The following JAK2 variants were observed in gnomAD, a reference collection of about 807,000 sequenced individuals.
JAK2 encodes tyrosine-protein kinase JAK2.
Under a neutral mutation model 139.3 loss-of-function variants are expected in JAK2, and 86 were observed. The ratio of observed to expected loss-of-function variants is 0.62; its 90% CI spans 0.52 to 0.74. JAK2 has a LOEUF of 0.74. Ranked by LOEUF, JAK2 falls within the 30% of genes least tolerant of loss-of-function variation. The pLI is 0.00. For missense variants in JAK2, 1,421 were observed against 1,360.3 expected, an observed-to-expected ratio of 1.04 and a Z score of -0.70; for synonymous variants, 490 against 437.7, an observed-to-expected ratio of 1.12 and a Z score of -1.49.
intron 2 of JAK2, among the ~76,000 whole-genome samples, chr9:4,994,823 C>G (rs73389476): frequency 1.8e-4 from 27 of 152,080 alleles, no homozygotes; most frequent in African/African-American, 6.5e-4. Context: ...ACAAAACTCT[C>G]TGAGAGTTGT....
chr9:5,114,722 A>G (rs12342708), intron 22 of JAK2: 22,411 of 376,846 alleles, frequency 0.059, 3,886 homozygotes, highest in African/African-American at 0.4. Flanking sequence ...GGGAACAGAA[A>G]AACGAGTTCA....
chr9:5,034,551 G>A (rs541748152), intron 4 of JAK2, among the ~76,000 whole-genome samples: 137 of 152,088 alleles, frequency 9.0e-4, no homozygotes, highest in Non-Finnish European at 1.5e-3. Flanking sequence ...TCAGACCACA[G>A]TGCAATCAAA....
intron 5 of JAK2, 144 bp from the exon 6 acceptor site, chr9:5,050,542 A>G: frequency 1.3e-6 from 1 of 752,876 alleles, no homozygotes; most frequent in Non-Finnish European, 2.1e-6. Context: ...AAGTTCTGGG[A>G]TTACAGGCAT....
chr9:5,081,334 C>T (rs7875908), intron 18 of JAK2, among the ~76,000 whole-genome samples: 92,774 of 151,822 alleles, frequency 0.61, 30,586 homozygotes, highest in African/African-American at 0.88. Context: ...TTGATTGATT[C>T]TCTAAACATG....
In JAK2 at chr9:5,022,158, T is replaced by A. The variant is rs767273014; in HGVS notation, c.171T>A (p.Phe57Leu). 2 of 1,614,180 alleles carry A rather than the reference T, an allele frequency of 1.2e-6. No homozygotes were observed. Among genetic ancestry groups the A allele is most frequent in the East Asian group, 4.5e-5 (2 of 44,886 alleles). The change falls in exon 3 of 25, where the codon TTT becomes TTA. Residue 57 changes from phenylalanine to leucine, a missense_variant. Physicochemically the swap from Phe to Leu is conservative, Grantham distance 22. Transcript: ENST00000381652. Reference protein sequence around the residue: ...LGKSEADYLTFPSGEYVAEEI... With the variant: ...LGKSEADYLTLPSGEYVAEEI... Reference sequence around the variant, plus strand: ...AATCTGAGGCAGATTATCTGACCTTTCCATCTGGGGAGTATGTTGCAGAAG... The same window carrying A: ...AATCTGAGGCAGATTATCTGACCTTACCATCTGGGGAGTATGTTGCAGAAG...
In JAK2 at chr9:5,126,444, G is replaced by A. The variant is rs1183052571; in HGVS notation, c.3289G>A (p.Glu1097Lys). Residue 1097 changes from glutamate to lysine, a missense_variant and splice_region_variant, in exon 24 of 25, where the codon GAG (glutamate) becomes AAG (lysine). Physicochemically the swap from Glu to Lys is moderately conservative, Grantham distance 56. Coordinates refer to ENST00000381652, the MANE Select transcript of JAK2 (RefSeq NM_004972.4). ...ACCAAGACCAGATGGATGCCCAGAT[G>A]AGGTAACAATTTTTTTTTAATCCAG... ...RLPRPDGCPDEIYMIMTECWN... is the reference protein window; with the variant it reads ...RLPRPDGCPDKIYMIMTECWN... 6.3e-7 allele frequency: 1 copy of A among 1,592,458 alleles called. No homozygotes were observed. The highest frequency in any genetic ancestry group is 8.6e-7 in the Non-Finnish European group (1 of 1,164,898).
At chr9:5,089,448 G>A (rs867221870) in intron 19 of JAK2, among the ~76,000 whole-genome samples, 1 of 144,866 alleles carries the variant, frequency 6.9e-6, no homozygotes, top group Non-Finnish European at 1.5e-5. Context: ...TGAGGCAGGA[G>A]AATGGTGTGA....
intron 4 of JAK2, among the ~76,000 whole-genome samples, chr9:5,039,762 C>T (rs1024732281): frequency 6.6e-6 from 1 of 151,780 alleles, no homozygotes; most frequent in African/African-American, 2.4e-5. Context: ...TAGGAATAAA[C>T]TTAAAGAAGT....
At chr9:5,059,973 C>T (rs140193550) in intron 8 of JAK2, among the ~76,000 whole-genome samples, 55 of 152,160 alleles carry the variant, frequency 3.6e-4, no homozygotes, top group African/African-American at 1.2e-3. Context: ...TATAGACATA[C>T]GTCAGAGATA....
At chr9:5,112,769 G>T in intron 22 of JAK2, 1 of 601,278 alleles carries the variant, frequency 1.7e-6, no homozygotes, top group South Asian at 4.7e-5. Flanking sequence ...GGTGTCGCGC[G>T]TGTTCGGAGG....
Position 5,126,744 on chromosome 9 carries a change from G to A in JAK2, c.3352G>A (p.Asp1118Asn), listed in dbSNP as rs772893666. ...NNVNQRPSFR[D>N]LALRVDQIRD... is the part of the protein sequence containing the mutation. ...TGTAAATCAACGCCCCTCCTTTAGG[G>A]ATCTAGCTCTTCGAGTGGATCAAAT... Residue 1118 changes from aspartate to asparagine, a missense_variant, in exon 25 of 25, where the codon GAT becomes AAT. Physicochemically the swap from Asp to Asn is conservative, Grantham distance 23 (BLOSUM62 1). Coordinates refer to ENST00000381652, the MANE Select transcript of JAK2 (RefSeq NM_004972.4). 1.2e-5 allele frequency: 19 copies of A among 1,610,924 alleles called. No homozygotes were observed. Among genetic ancestry groups the A allele is most frequent in the Non-Finnish European group, 1.5e-5 (18 of 1,177,760 alleles).
At chr9:5,121,944 G>A (rs961686096) in intron 22 of JAK2, among the ~76,000 whole-genome samples, 1 of 151,984 alleles carries the variant, frequency 6.6e-6, no homozygotes, top group African/African-American at 2.4e-5. Flanking sequence ...TTCCCCTTGT[G>A]GAATAAAACT....
intron 5 of JAK2, among the ~76,000 whole-genome samples, chr9:5,050,107 C>G (rs537013700): frequency 5.6e-4 from 85 of 152,144 alleles, no homozygotes; most frequent in African/African-American, 1.9e-3. Flanking sequence ...TCAGTAATAT[C>G]TACTTTAATT....
chr9:5,036,934 A>C (rs895277503), intron 4 of JAK2, among the ~76,000 whole-genome samples: 4 of 152,218 alleles, frequency 2.6e-5, no homozygotes, highest in Admixed American at 6.5e-5. Context: ...CAACCTACAG[A>C]ATGGGAGAAC....
rs1208589516 is a variant in JAK2 at position 5,064,540 on chromosome 9, AGAAAAAAG to A, written c.1057-338_1057-331del. The stretch of plus-strand genomic sequence containing the variant: ...GCAAGACTCTCAAAAAAAAAAAAAA[AGAAAAAAG>A]GAAATGCTCATGATTTCTAATGTCA... On this transcript the variant is annotated intron_variant, in intron 8 of 24. Coordinates refer to ENST00000381652, the MANE Select transcript of JAK2 (RefSeq NM_004972.4). 4.6e-5 allele frequency among the ~76,000 whole-genome samples: 7 copies of A among 151,992 alleles called. No homozygotes were observed. In the East Asian group the frequency reaches 5.8e-4, roughly 13 times the overall value.
chr9:5,025,615 C>T (rs372866304), intron 3 of JAK2, among the ~76,000 whole-genome samples: 2 of 151,756 alleles, frequency 1.3e-5, no homozygotes, highest in South Asian at 2.1e-4. Context: ...CACACTGCCA[C>T]CTCCGCCTTC....
chr9:5,012,645 TTAAA>T (rs1325021184), intron 2 of JAK2, among the ~76,000 whole-genome samples: 1 of 152,172 alleles, frequency 6.6e-6, no homozygotes, highest in Non-Finnish European at 1.5e-5. Context: ...CATTAATAAA[TTAAA>T]TATTTAGTAA....
intron 22 of JAK2, chr9:5,110,590 G>C (rs1242813502): frequency 5.5e-6 from 1 of 180,530 alleles, no homozygotes; most frequent in African/African-American, 2.4e-5. Context: ...ATTATTGGTA[G>C]CCTTGCACTT....
chr9:5,099,832 A>G (rs770067743), intron 22 of JAK2: 1 of 152,172 alleles, frequency 6.6e-6, no homozygotes, highest in African/African-American at 2.4e-5. Flanking sequence ...CCATTCATTT[A>G]CACCAACTAT....
Sources: allele counts gnomAD v4.1 joint callset (sites outside exome capture counted in the v4.1 genomes callset), GRCh38; gene constraint gnomAD v4.1.1; transcripts MANE v1.5; gene names NCBI Gene and HGNC (gene_info 2026-07-23, HGNC 2026-07-21).